KMT2D: variants seen among roughly 807,000 people sequenced by gnomAD.
KMT2D encodes histone-lysine N-methyltransferase 2D.
In KMT2D, 55 loss-of-function variants were observed where a neutral mutation model predicts 512.7. The observed-to-expected ratio is 0.11, with a 90% CI of 0.09 to 0.13. KMT2D has a LOEUF of 0.13. KMT2D is among the 10% of genes least tolerant of loss of function. The pLI is 1.00. For missense variants in KMT2D, 6,061 were observed against 7,127.9 expected, an observed-to-expected ratio of 0.85 and a Z score of 5.39; for synonymous variants, 2,995 against 2,904.0, an observed-to-expected ratio of 1.03 and a Z score of -1.01.
chr12:49,038,595 G>A lies in KMT2D; in HGVS notation c.8761C>T (p.Leu2921Phe). 6.2e-7 allele frequency: 1 copy of A among 1,612,744 alleles called. No individual in the cohort carries two copies. The highest frequency in any genetic ancestry group is 8.5e-7 in the Non-Finnish European group (1 of 1,179,380). Reference sequence around the variant, plus strand: ...AGACCTGATACCGCCAGGCCCCGAAGCCCTTCAGGAGCCAGTCGGTGGGGG... The same window carrying A: ...AGACCTGATACCGCCAGGCCCCGAAACCCTTCAGGAGCCAGTCGGTGGGGG... ...EDPHRLAPEGLRGLAVSGLPP... is the reference protein window; with the variant it reads ...EDPHRLAPEGFRGLAVSGLPP... Residue 2921 changes from leucine to phenylalanine, a missense_variant, in exon 35 of 55, where the codon CTT (leucine) becomes TTT (phenylalanine). By Grantham distance (22) the Leu-to-Phe change is conservative. Around this residue, in one of 16 missense-constraint regions of KMT2D, gnomAD observed 527 missense variants for 578.9 expected, o/e 0.91. Transcript: ENST00000301067. The surrounding 1 kb of genome is among the most constrained non-coding windows in gnomAD (Gnocchi z 5.7).
rs10747559 is a variant in KMT2D at position 49,040,291 on chromosome 12, C to A, written c.7479G>T (p.Gly2493=). ...SLAHTSLGAG[G]FPAALPAGPA... ...GCCCCGCGGGCAGGGCTGCTGGGAA[C>A]CCCCCAGCCCCCAGCGAAGTGTGGG... Residue 2493 remains glycine (G), a synonymous_variant, in exon 32 of 55, where the codon GGG becomes GGT. Transcript: ENST00000301067. The A allele has an allele frequency of 0.42, 673,719 of 1,598,928 alleles. 143,531 individuals are homozygous for A. The highest frequency in any genetic ancestry group is 0.47 in the African/African-American group (35,168 of 74,534).
In KMT2D at chr12:49,021,309, G is replaced by C. The variant is rs1437497336; in HGVS notation, c.*471C>G. On this transcript the variant is annotated 3_prime_UTR_variant, in exon 55 of 55. Transcript: ENST00000301067. ...GGGGGTGAGGGTGGGGGCAGGACCC[G>C]GCAGGCAGGGCCAGGTGTGGGACCC... The C allele has an allele frequency of 4.2e-6, 1 of 239,716 alleles. No individual in the cohort carries two copies. The allele number at this position is 239,716 out of a possible 1,614,324, so 14.8% of individuals were successfully genotyped here.
At position 49,054,997 on chromosome 12, in the gene KMT2D, T is replaced by C. The variant is rs1938323081; in HGVS notation, c.79A>G (p.Ser27Gly). 5 of 1,614,016 alleles carry C rather than the reference T, an allele frequency of 3.1e-6. No homozygotes were observed. The highest frequency in any genetic ancestry group is 4.2e-6 in the Non-Finnish European group (5 of 1,179,892). The change falls in exon 3 of 55, where the codon AGT (serine) becomes GGT (glycine). Residue 27 changes from serine (S) to glycine (G), a missense_variant. This residue lies in a region of KMT2D where 144 missense variants were observed against 165.7 expected (regional missense o/e 0.87). Coordinates refer to ENST00000301067, the MANE Select transcript of KMT2D (RefSeq NM_003482.4). This position sits in a 1 kb window ranked among gnomAD's most constrained non-coding sequence, Gnocchi z 6.4. ...ADGPAASEDP[S>G]ATESDLPNPH... Reference sequence around the variant, plus strand: ...TTGGGCAGGTCTGACTCAGTGGCACTTGGGTCCTCAGAAGCTGCAGGTCCA... The same window carrying C: ...TTGGGCAGGTCTGACTCAGTGGCACCTGGGTCCTCAGAAGCTGCAGGTCCA...
rs2120560457 is a variant in KMT2D at position 49,042,824 on chromosome 12, C to T, written c.5699G>A (p.Gly1900Asp). 1 of 1,613,968 alleles carries T rather than the reference C, an allele frequency of 6.2e-7. No homozygotes were observed. The highest frequency in any genetic ancestry group is 8.5e-7 in the Non-Finnish European group (1 of 1,179,844). Residue 1900 changes from glycine to aspartate, a missense_variant, in exon 27 of 55, where the codon GGC becomes GAC. Transcript: ENST00000301067. This position sits in a 1 kb window ranked among gnomAD's most constrained non-coding sequence, Gnocchi z 4.4. ...DLQQLFKDVL[G>D]SEREQHLGCG... is the part of the protein sequence containing the mutation. The stretch of plus-strand genomic sequence containing the variant: ...ACCCAGATGCTGTTCTCGTTCAGAG[C>T]CCAGAACATCCTTGAAGAGCTGCTG...
In KMT2D at chr12:49,031,726, T is replaced by A. The variant is rs571038616; in HGVS notation, c.12979A>T (p.Ser4327Cys). 5 of 1,612,976 alleles carry A rather than the reference T, an allele frequency of 3.1e-6. No individual in the cohort carries two copies. The Admixed American group carries it at 6.7e-5, about 22-fold the overall frequency. ...PKRPSQLPSP[S>C]SQLPTEAQLP... Reference sequence around the variant, plus strand: ...TGGGCCTCAGTGGGAAGCTGGGAGCTGGGGGAAGGTAATTGTGAAGGTCTC... The same window carrying A: ...TGGGCCTCAGTGGGAAGCTGGGAGCAGGGGGAAGGTAATTGTGAAGGTCTC... Residue 4327 changes from serine (S) to cysteine (C), a missense_variant, in exon 40 of 55, where the codon AGC (serine) becomes TGC (cysteine). Coordinates refer to ENST00000301067, the MANE Select transcript of KMT2D (RefSeq NM_003482.4).
chr12:49,029,490 A>G lies in KMT2D; in HGVS notation c.14000-14T>C, dbSNP rs1484149223. On this transcript the variant is annotated splice_polypyrimidine_tract_variant and intron_variant, in intron 43 of 54. Coordinates refer to ENST00000301067, the MANE Select transcript of KMT2D (RefSeq NM_003482.4). ...CCTCTGAAGTATCTGAGGGGTGGGT[A>G]GGGAGAAGAAAAGTCAGGTGAGGGT... is the stretch of plus-strand genomic sequence containing the variant. 1 of 1,551,398 alleles carries G rather than the reference A, an allele frequency of 6.4e-7. No homozygotes were observed. Among genetic ancestry groups the G allele is most frequent in the African/African-American group, 1.4e-5 (1 of 73,138 alleles).
chr12:49,024,899 C>T lies in KMT2D; in HGVS notation c.15832G>A (p.Ala5278Thr), dbSNP rs769137344. The stretch of plus-strand genomic sequence containing the variant: ...TCAGGGAAGAGTCGCAGCATGTCAG[C>T]CTCTTTTCTCATGGCAGCCACAGGC... Reference protein sequence around the residue: ...IEPVAAMRKEADMLRLFPEYL... With the variant: ...IEPVAAMRKETDMLRLFPEYL... The change falls in exon 50 of 55, where the codon GCT becomes ACT. Residue 5278 changes from alanine (A) to threonine (T), a missense_variant. By Grantham distance (58) the Ala-to-Thr change is moderately conservative. Coordinates refer to ENST00000301067, the MANE Select transcript of KMT2D (RefSeq NM_003482.4). The surrounding 1 kb of genome is among the most constrained non-coding windows in gnomAD (Gnocchi z 4.5). 15 of 1,601,916 alleles carry T rather than the reference C, an allele frequency of 9.4e-6. No homozygotes were observed. Among genetic ancestry groups the T allele is most frequent in the Middle Eastern group, 3.3e-4 (2 of 6,076 alleles).
intron 19 of KMT2D, 38 bp downstream of exon 19, chr12:49,045,882 C>G (rs972957307): frequency 2.6e-6 from 4 of 1,513,242 alleles, no homozygotes; most frequent in Non-Finnish European, 2.8e-6. Context: ...TGTCCGACGT[C>G]TGGTCTGGCT....
chr12:49,039,658 C>A lies in KMT2D; in HGVS notation c.8047-41G>T, dbSNP rs1943391589. 1 of 1,603,124 alleles carries A rather than the reference C, an allele frequency of 6.2e-7. No individual in the cohort carries two copies. Among genetic ancestry groups the A allele is most frequent in the Non-Finnish European group, 8.5e-7 (1 of 1,176,150 alleles). On this transcript the variant is annotated intron_variant, in intron 32 of 54. Transcript: ENST00000301067. This position sits in a 1 kb window ranked among gnomAD's most constrained non-coding sequence, Gnocchi z 5.0. ...AGAAGAGGAATAAGCCCATTCTACT[C>A]CAATCATAGGGCTGCCCCAGAGACA... is the stretch of plus-strand genomic sequence containing the variant.
rs1168216865 is a variant in KMT2D at position 49,052,687 on chromosome 12, C to T, written c.1135G>A (p.Asp379Asn). Residue 379 changes from aspartate to asparagine, a missense_variant, in exon 10 of 55, where the codon GAT becomes AAT. Physicochemically the swap from Asp to Asn is conservative, Grantham distance 23 (BLOSUM62 1). Transcript: ENST00000301067. The part of the protein sequence containing the change: ...CSRFSPPEPG[D>N]TPTDEPDALY... Reference sequence around the variant, plus strand: ...GCATCGGGCTCGTCAGTGGGGGTATCGCCAGGCTCTGGGGGTGAAAATCTG... The same window carrying T: ...GCATCGGGCTCGTCAGTGGGGGTATTGCCAGGCTCTGGGGGTGAAAATCTG... 2.5e-6 allele frequency: 4 copies of T among 1,613,506 alleles called. No homozygotes were observed. The highest frequency in any genetic ancestry group is 1.3e-5 in the African/African-American group (1 of 74,854).
In KMT2D at chr12:49,028,054, C is replaced by T. The variant is rs759709365; in HGVS notation, c.14470G>A (p.Ala4824Thr). Residue 4824 changes from alanine (A) to threonine (T), a missense_variant, in exon 47 of 55, where the codon GCC (alanine) becomes ACC (threonine). This residue lies in a region of KMT2D where 1,600 missense variants were observed against 1,754.9 expected (regional missense o/e 0.91). Transcript: ENST00000301067. ...SYEVLFPESP[A>T]RAGTEPKKGE... ...TTCTTTGGCTCAGTGCCTGCCCGGG[C>T]GGGGCTCTCTGGGAACAGCACCTCA... 1.7e-5 allele frequency: 28 copies of T among 1,613,876 alleles called. No individual in the cohort carries two copies. Among genetic ancestry groups the T allele is most frequent in the Non-Finnish European group, 2.1e-5 (25 of 1,179,878 alleles).
Position 49,041,551 on chromosome 12 carries a change from A to G in KMT2D, c.6235-16T>C, listed in dbSNP as rs1271829549. On this transcript the variant is annotated splice_polypyrimidine_tract_variant and intron_variant, in intron 31 of 54. Coordinates refer to ENST00000301067, the MANE Select transcript of KMT2D (RefSeq NM_003482.4). The surrounding 1 kb of genome is among the most constrained non-coding windows in gnomAD (Gnocchi z 5.4). ...TCTCAGCCTGCTACAGGGGGAGACC[A>G]GGCATAGGGCAGTCAGGCTGCTGCA... is the stretch of plus-strand genomic sequence containing the variant. The G allele has an allele frequency of 1.2e-6, 2 of 1,613,094 alleles. No individual in the cohort carries two copies. The highest frequency in any genetic ancestry group is 1.7e-6 in the Non-Finnish European group (2 of 1,179,434).
chr12:49,042,712 A>C lies in KMT2D; in HGVS notation c.5782+29T>G, dbSNP rs1247857428. 1 of 1,609,214 alleles carries C rather than the reference A, an allele frequency of 6.2e-7. No homozygotes were observed. Among genetic ancestry groups the C allele is most frequent in the African/African-American group, 1.3e-5 (1 of 74,744 alleles). On this transcript the variant is annotated intron_variant, in intron 27 of 54. Coordinates refer to ENST00000301067, the MANE Select transcript of KMT2D (RefSeq NM_003482.4). The surrounding 1 kb of genome is among the most constrained non-coding windows in gnomAD (Gnocchi z 4.4). ...TCCTGGAGGCAAGCTTGGTTATGTC[A>C]GTCTTCAGACCACTCCCACCTGTAT... is the stretch of plus-strand genomic sequence containing the variant.
In KMT2D at chr12:49,024,461, G is replaced by C; in HGVS notation, c.16052+117C>G. The C allele has an allele frequency of 7.4e-7, 1 of 1,345,176 alleles. No individual in the cohort carries two copies. The highest frequency in any genetic ancestry group is 1.0e-6 in the Non-Finnish European group (1 of 988,680). The allele number at this position is 1,345,176 out of a possible 1,614,324, so 83.3% of individuals were successfully genotyped here. On this transcript the variant is annotated intron_variant, in intron 51 of 54. Transcript: ENST00000301067. The surrounding 1 kb of genome is among the most constrained non-coding windows in gnomAD (Gnocchi z 4.5). Reference sequence around the variant, plus strand: ...CCCTCTAATTAGGAAGTCTAAGAGTGATTCCCCATTTTCTCCACGGGAACT... The same window carrying C: ...CCCTCTAATTAGGAAGTCTAAGAGTCATTCCCCATTTTCTCCACGGGAACT...
rs1942660906 is a variant in KMT2D at position 49,027,476 on chromosome 12, A to G, written c.14644-154T>C. On this transcript the variant is annotated intron_variant, in intron 48 of 54. Coordinates refer to ENST00000301067, the MANE Select transcript of KMT2D (RefSeq NM_003482.4). Reference sequence around the variant, plus strand: ...TTCTTTTCTTTTTTTTTTGAGACACAGTCTTGCTCTGTTGCCCAGGCTGGA... The same window carrying G: ...TTCTTTTCTTTTTTTTTTGAGACACGGTCTTGCTCTGTTGCCCAGGCTGGA... Among the ~76,000 whole-genome samples, 3 of 150,938 alleles carry G rather than the reference A, an allele frequency of 2.0e-5. No homozygotes were observed. In the South Asian group the frequency reaches 6.2e-4, roughly 31 times the overall value.
Position 49,050,440 on chromosome 12 carries a change from A to T in KMT2D, c.3148T>A (p.Ser1050Thr), listed in dbSNP as rs764476445. The T allele has an allele frequency of 5.6e-6, 9 of 1,613,936 alleles. No homozygotes were observed. The highest frequency in any genetic ancestry group is 7.6e-6 in the Non-Finnish European group (9 of 1,179,858). Reference protein sequence around the residue: ...SQCSPPALPLSVPSPLSPIGK... With the variant: ...SQCSPPALPLTVPSPLSPIGK... ...ATGGGACTCAACGGGGAGGGAACGG[A>T]CAGTGGTAGGGCAGGAGGAGAGCAC... The change falls in exon 12 of 55, where the codon TCC (serine) becomes ACC (threonine). Residue 1050 changes from serine to threonine, a missense_variant. By Grantham distance (58) the Ser-to-Thr change is moderately conservative. This residue lies in a region of KMT2D where 447 missense variants were observed against 500.1 expected (regional missense o/e 0.89). Coordinates refer to ENST00000301067, the MANE Select transcript of KMT2D (RefSeq NM_003482.4).
intron 15 of KMT2D, 57 bp downstream of exon 15, chr12:49,047,908 G>C (rs1184161068): frequency 8.1e-6 from 10 of 1,232,978 alleles, no homozygotes; most frequent in Admixed American, 5.2e-5. Context: ...CAAGGAACTA[G>C]GGTAAGAAAT....
At position 49,040,744 on chromosome 12, in the gene KMT2D, G is replaced by T; in HGVS notation, c.7026C>A (p.Ser2342Arg). 2.5e-6 allele frequency: 4 copies of T among 1,613,482 alleles called. No homozygotes were observed. The highest frequency in any genetic ancestry group is 3.4e-6 in the Non-Finnish European group (4 of 1,179,710). The change falls in exon 32 of 55, where the codon AGC becomes AGA. Residue 2342 changes from serine to arginine, a missense_variant. Transcript: ENST00000301067. The part of the protein sequence containing the change: ...TPRASQVEPQ[S>R]PGLGLRPQEP... Reference sequence around the variant, plus strand: ...CCTGGGGCCTTAGGCCCAAGCCCGGGCTCTGGGGCTCTACCTGAGATGCCC... The same window carrying T: ...CCTGGGGCCTTAGGCCCAAGCCCGGTCTCTGGGGCTCTACCTGAGATGCCC...
rs1327250727 is a variant in KMT2D at position 49,030,986 on chromosome 12, C to G, written c.13578G>C (p.Gln4526His). 2 of 1,613,976 alleles carry G rather than the reference C, an allele frequency of 1.2e-6. No homozygotes were observed. The highest frequency in any genetic ancestry group is 4.5e-5 in the East Asian group (2 of 44,880). ...KPLTPKPKRV[Q>H]KASDRLVSSR... ...AGCTCACCAACCTGTCGCTTGCCTT[C>G]TGTACCCGCTTGGGCTTCGGTGTCA... Residue 4526 changes from glutamine (Q) to histidine (H), a missense_variant, in exon 41 of 55, where the codon CAG becomes CAC. Around this residue, in one of 16 missense-constraint regions of KMT2D, gnomAD observed 1,600 missense variants for 1,754.9 expected, o/e 0.91. Transcript: ENST00000301067.
Sources: gnomAD v4.1 joint callset for allele counts (sites outside exome capture counted in the v4.1 genomes callset) on GRCh38, gnomAD v4.1.1 for gene constraint, gnomAD v4.1.1 regional missense constraint, Gnocchi (gnomAD v3.1) non-coding constraint, MANE v1.5 for transcripts, NCBI Gene and HGNC (gene_info 2026-07-23, HGNC 2026-07-21) for gene names.